Variants in ATP8A2 observed in about 807,000 individuals in gnomAD.
The protein encoded by ATP8A2 is phospholipid-transporting ATPase IB.
A neutral mutation model predicts 165.6 loss-of-function variants in ATP8A2; 100 were observed. That is an observed-to-expected ratio of 0.60 (90% confidence interval 0.51 to 0.71). ATP8A2 has a LOEUF of 0.71. ATP8A2 is among the 30% of genes least tolerant of loss of function. ATP8A2 has a pLI of 0.00. For missense variants in ATP8A2, 1,227 were observed against 1,479.5 expected (o/e 0.83, Z 2.80); for synonymous variants, 543 against 548.8 (o/e 0.99, Z 0.15).
chr13:25,518,682 C>T (rs2037559053), intron 2 of ATP8A2, among the ~76,000 whole-genome samples: 1 of 152,142 alleles, frequency 6.6e-6, no homozygotes. Context: ...CTGGTATTGT[C>T]TGTGGGTTCT....
chr13:25,940,375 C>G (rs2139105230), intron 33 of ATP8A2, among the ~76,000 whole-genome samples: 1 of 152,286 alleles, frequency 6.6e-6, no homozygotes, highest in African/African-American at 2.4e-5. Context: ...GAAGCTGTTC[C>G]TCTCCTCACC....
intron 27 of ATP8A2, among the ~76,000 whole-genome samples, chr13:25,819,480 T>G (rs1379991234): frequency 1.3e-5 from 2 of 152,186 alleles, no homozygotes; most frequent in Admixed American, 6.5e-5. Context: ...CTTTTTCCCT[T>G]GATTTCCTGC....
At chr13:25,884,668 CTCT>C (rs1350305843) in intron 33 of ATP8A2, among the ~76,000 whole-genome samples, 1 of 152,234 alleles carries the variant, frequency 6.6e-6, no homozygotes, top group African/African-American at 2.4e-5. Flanking sequence ...CTGCTCTGAG[CTCT>C]TCAACTGTTA....
chr13:25,778,308 C>G (rs766735643), intron 27 of ATP8A2, among the ~76,000 whole-genome samples: 1 of 152,150 alleles, frequency 6.6e-6, no homozygotes, highest in Non-Finnish European at 1.5e-5. Context: ...TATACAACAA[C>G]AAGTTATTTG....
At chr13:25,839,663 T>C (rs754439514) in intron 30 of ATP8A2, 39 bp downstream of exon 30, 2 of 1,542,550 alleles carry the variant, frequency 1.3e-6, no homozygotes, top group African/African-American at 2.7e-5. Flanking sequence ...CAAGGAGCTT[T>C]GCAGCCGCTC....
chr13:25,828,245 A>G (rs1446918613), intron 28 of ATP8A2, 53 bp downstream of exon 28: 1 of 1,347,752 alleles, frequency 7.4e-7, no homozygotes, highest in Non-Finnish European at 1.1e-6. Context: ...AACTTCAGTG[A>G]CATTCCTTCA....
chr13:25,680,120 G>T (rs1043887437), intron 24 of ATP8A2, among the ~76,000 whole-genome samples: 2 of 152,064 alleles, frequency 1.3e-5, no homozygotes, highest in African/African-American at 4.8e-5. Context: ...GGGTTGGATC[G>T]CATCCTTGAA....
intron 24 of ATP8A2, among the ~76,000 whole-genome samples, chr13:25,624,969 A>G (rs2041065629): frequency 6.6e-6 from 1 of 152,218 alleles, no homozygotes; most frequent in African/African-American, 2.4e-5. Context: ...TAAAGATATA[A>G]AATGGTCTTA....
chr13:25,843,766 A>G (rs1283142584), intron 30 of ATP8A2, among the ~76,000 whole-genome samples: 3 of 152,176 alleles, frequency 2.0e-5, no homozygotes, highest in Non-Finnish European at 4.4e-5. Flanking sequence ...GTATCAATCA[A>G]AACACATCTC....
intron 25 of ATP8A2, among the ~76,000 whole-genome samples, chr13:25,704,758 A>G (rs2043021721): frequency 6.6e-6 from 1 of 152,160 alleles, no homozygotes; most frequent in African/African-American, 2.4e-5. Context: ...TATCCTTTTC[A>G]GTATTGCATT....
At chr13:25,532,120 A>G (rs1382050018) in intron 4 of ATP8A2, 152 bp from the exon 5 acceptor site, 1 of 672,012 alleles carries the variant, frequency 1.5e-6, no homozygotes, top group African/African-American at 1.9e-5. Flanking sequence ...GTGCTGATAG[A>G]TCACAAAATT....
chr13:25,902,508 T>C (rs1358129936), intron 33 of ATP8A2, among the ~76,000 whole-genome samples: 1 of 152,072 alleles, frequency 6.6e-6, no homozygotes, highest in Non-Finnish European at 1.5e-5. Context: ...GCCATAAGTG[T>C]TTGAAACAGT....
chr13:25,654,010 C>T (rs879379688), intron 24 of ATP8A2, among the ~76,000 whole-genome samples: 2 of 152,102 alleles, frequency 1.3e-5, no homozygotes, highest in African/African-American at 4.8e-5. Context: ...AAGGTGGGGA[C>T]ATTTGCTTTC....
At chr13:25,780,077 T>A (rs1345694077) in intron 27 of ATP8A2, among the ~76,000 whole-genome samples, 1 of 152,174 alleles carries the variant, frequency 6.6e-6, no homozygotes. Flanking sequence ...AAAAGGTTAT[T>A]TGGAATAGAT....
intron 30 of ATP8A2, among the ~76,000 whole-genome samples, chr13:25,857,034 C>G (rs1175639302): frequency 6.6e-6 from 1 of 152,192 alleles, no homozygotes; most frequent in East Asian, 1.9e-4. Context: ...AGCTCTGAAT[C>G]TTCCAGTGGT....
chr13:25,721,792 G>T (rs1403814920), intron 25 of ATP8A2, among the ~76,000 whole-genome samples: 1 of 152,188 alleles, frequency 6.6e-6, no homozygotes, highest in Non-Finnish European at 1.5e-5. Context: ...TTGTATGATT[G>T]AATAATATTC....
chr13:25,742,675 C>G (rs754797817), intron 25 of ATP8A2, among the ~76,000 whole-genome samples: 3,013 of 125,450 alleles, frequency 0.024, 59 homozygotes, highest in African/African-American at 0.061. Context: ...CTCTCTCTCT[C>G]TCTGTCTTTT....
chr13:25,937,797 C>T (rs1454233671), intron 33 of ATP8A2, among the ~76,000 whole-genome samples: 2 of 141,172 alleles, frequency 1.4e-5, no homozygotes, highest in Non-Finnish European at 3.0e-5. Context: ...TGTAGTGAGC[C>T]GAGATGGCAA....
rs369461734 is a variant in ATP8A2, at chr13:25,468,844, C to T, written c.77-133C>T. 2.1e-6 allele frequency: 3 copies of T among 1,415,170 alleles called. No individual in the cohort carries two copies. The East Asian group carries it at 8.3e-5, about 39-fold the overall frequency. 87.7% of individuals were successfully genotyped at this position (1,415,170 alleles called of 1,614,324 possible). ...GGCGTCTCCAGGGGGAGCCAAGGTA[C>T]GTAGGCGGCGTCCGCCTCACCCGAG... On this transcript the variant is annotated intron_variant, in intron 1 of 36. Coordinates refer to ENST00000381655, the MANE Select transcript of ATP8A2 (RefSeq NM_016529.6).
Sources: gnomAD v4.1 joint callset for allele counts (sites outside exome capture counted in the v4.1 genomes callset) on GRCh38, gnomAD v4.1.1 for gene constraint, MANE v1.5 for transcripts, NCBI Gene and HGNC (gene_info 2026-07-23, HGNC 2026-07-21) for gene names.